PTPN14: variants seen among roughly 807,000 people sequenced by gnomAD.
PTPN14 encodes protein tyrosine phosphatase non-receptor type 14, also known as tyrosine-protein phosphatase non-receptor type 14.
A neutral mutation model predicts 126.8 loss-of-function variants in PTPN14; 53 were observed. The observed-to-expected ratio is 0.42, with a 90% CI of 0.34 to 0.53. The LOEUF is 0.53. Ranked by LOEUF, PTPN14 falls within the 20% of genes least tolerant of loss-of-function variation. The pLI is 0.08. For synonymous variants in PTPN14, 630 were observed against 599.3 expected (o/e 1.05, Z -0.75); for missense variants, 1,257 against 1,552.9 (o/e 0.81, Z 3.20).
At chr1:214,462,978 A>G (rs974308911) in intron 2 of PTPN14, among the ~76,000 whole-genome samples, 1 of 152,214 alleles carries the variant, frequency 6.6e-6, no homozygotes, top group Admixed American at 6.5e-5. Flanking sequence ...CTGTGAAGTA[A>G]GCATTATTAT....
At chr1:214,522,906 A>G (rs1430599852) in intron 1 of PTPN14, among the ~76,000 whole-genome samples, 1 of 152,222 alleles carries the variant, frequency 6.6e-6, no homozygotes, top group Non-Finnish European at 1.5e-5. Context: ...CTGGCAAGAT[A>G]AGACTGAGGA....
chr1:214,357,818 G>T lies in PTPN14; in HGVS notation c.*104C>A. ...ACTGTCTTCAGAGAGCCTGTTTGCT[G>T]CCAGCCACCTGCACCCCTGTGGGGG... On this transcript the variant is annotated 3_prime_UTR_variant, in exon 19 of 19. Coordinates refer to ENST00000366956, the MANE Select transcript of PTPN14 (RefSeq NM_005401.5). 3 of 978,644 alleles carry T rather than the reference G, an allele frequency of 3.1e-6. No homozygotes were observed. The highest frequency in any genetic ancestry group is 4.6e-6 in the Non-Finnish European group (3 of 655,200). The allele number at this position is 978,644 out of a possible 1,614,324, so 60.6% of individuals were successfully genotyped here.
intron 3 of PTPN14, among the ~76,000 whole-genome samples, chr1:214,441,933 C>T (rs1572002468): frequency 6.6e-6 from 1 of 152,158 alleles, no homozygotes; most frequent in South Asian, 2.1e-4. Context: ...CAATGTAACA[C>T]TAATAAAGAA....
chr1:214,387,964 T>C (rs1658661252), intron 11 of PTPN14, among the ~76,000 whole-genome samples: 1 of 152,134 alleles, frequency 6.6e-6, no homozygotes. Context: ...CCTTCCCCAT[T>C]GCAGAACCAA....
At position 214,364,023 on chromosome 1, in the gene PTPN14, A is replaced by G. The variant is rs1658013917; in HGVS notation, c.3435+489T>C. Among the ~76,000 whole-genome samples, 1 of 152,194 alleles carries G rather than the reference A, an allele frequency of 6.6e-6. No homozygotes were observed. Among genetic ancestry groups the G allele is most frequent in the Non-Finnish European group, 1.5e-5 (1 of 68,030 alleles). On this transcript the variant is annotated intron_variant, in intron 18 of 18. Transcript: ENST00000366956. This position sits in a 1 kb window ranked among gnomAD's most constrained non-coding sequence, Gnocchi z 4.1. ...TCTACTCTGCTCCGCTACACCACGC[A>G]ACAACCAGACTAGACAAGCAAACAA... is the stretch of plus-strand genomic sequence containing the variant.
intron 1 of PTPN14, among the ~76,000 whole-genome samples, chr1:214,541,278 C>T (rs1309364043): frequency 6.6e-6 from 1 of 152,078 alleles, no homozygotes; most frequent in Non-Finnish European, 1.5e-5. Context: ...CAGAAAGTAA[C>T]AATAACAGCA....
intron 3 of PTPN14, among the ~76,000 whole-genome samples, chr1:214,419,734 A>G (rs1047520827): frequency 6.6e-6 from 1 of 152,212 alleles, no homozygotes; most frequent in Non-Finnish European, 1.5e-5. Flanking sequence ...GTCCTGGGGT[A>G]CAGGAGAGCA....
chr1:214,462,639 A>G (rs1414192627), intron 2 of PTPN14, among the ~76,000 whole-genome samples: 1 of 152,224 alleles, frequency 6.6e-6, no homozygotes, highest in Non-Finnish European at 1.5e-5. Context: ...TGCACACTGC[A>G]CAACACTAAG....
chr1:214,537,161 C>T (rs1191884158), intron 1 of PTPN14, among the ~76,000 whole-genome samples: 1 of 152,136 alleles, frequency 6.6e-6, no homozygotes, highest in African/African-American at 2.4e-5. Context: ...TTATCATTTC[C>T]TGATAACTTG....
intron 1 of PTPN14, among the ~76,000 whole-genome samples, chr1:214,524,426 AGG>A (rs1348587943): frequency 1.3e-5 from 2 of 151,942 alleles, no homozygotes; most frequent in African/African-American, 2.4e-5. Context: ...CTGAGGCAGT[AGG>A]ACTGCTTGAG....
intron 3 of PTPN14, among the ~76,000 whole-genome samples, chr1:214,424,260 A>T (rs914626572): frequency 2.1e-4 from 32 of 151,548 alleles, no homozygotes; most frequent in African/African-American, 7.8e-4. Flanking sequence ...GCACCACTGC[A>T]CTCCAGCCTG....
intron 5 of PTPN14, among the ~76,000 whole-genome samples, chr1:214,409,281 A>G (rs528673197): frequency 2.6e-5 from 4 of 152,180 alleles, no homozygotes; most frequent in South Asian, 2.1e-4. Context: ...CTCTACATCT[A>G]TAAGTTCAAC....
At chr1:214,465,963 T>TTTTTTTTTTTTTTTG (rs1660627716) in intron 1 of PTPN14, among the ~76,000 whole-genome samples, 1 of 118,042 alleles carries the variant, frequency 8.5e-6, no homozygotes, top group Non-Finnish European at 1.7e-5. Context: ...TTTTTTTTTT[T>TTTTTTTTTTTTTTTG]TTTTTTTTGT....
intron 7 of PTPN14, among the ~76,000 whole-genome samples, chr1:214,400,345 G>C (rs981646600): frequency 3.2e-4 from 49 of 152,126 alleles, no homozygotes; most frequent in Non-Finnish European, 2.6e-4. Flanking sequence ...ACACATATGT[G>C]GGGGGAAAGA....
At position 214,383,698 on chromosome 1, in the gene PTPN14, T is replaced by C. The variant is rs1658529298; in HGVS notation, c.2157A>G (p.Glu719=). The C allele has an allele frequency of 6.2e-7, 1 of 1,613,402 alleles. No individual in the cohort carries two copies. Among genetic ancestry groups the C allele is most frequent in the Non-Finnish European group, 8.5e-7 (1 of 1,180,010 alleles). ...ESEEEEEEAP[E]SVPQIPMLRE... Reference sequence around the variant, plus strand: ...GGAGCATGGGGATCTGGGGCACCGATTCTGGAGCCTCCTCCTCCTCCTCCT... The same window carrying C: ...GGAGCATGGGGATCTGGGGCACCGACTCTGGAGCCTCCTCCTCCTCCTCCT... Residue 719 remains glutamate, a synonymous_variant, in exon 13 of 19, where the codon GAA becomes GAG. Coordinates refer to ENST00000366956, the MANE Select transcript of PTPN14 (RefSeq NM_005401.5). The surrounding 1 kb of genome is among the most constrained non-coding windows in gnomAD (Gnocchi z 4.4).
intron 3 of PTPN14, among the ~76,000 whole-genome samples, chr1:214,428,616 T>C (rs1659730102): frequency 6.6e-6 from 1 of 152,208 alleles, no homozygotes; most frequent in Admixed American, 6.5e-5. Flanking sequence ...CCACACATAT[T>C]TCCCTCTGAT....
At chr1:214,369,713 A>G (rs973636192) in intron 16 of PTPN14, 22 bp from the exon 17 acceptor site, 4 of 1,597,724 alleles carry the variant, frequency 2.5e-6, no homozygotes, top group Non-Finnish European at 3.4e-6. Flanking sequence ...ATAAAAGCAA[A>G]ATTGGAAATA....
intron 2 of PTPN14, among the ~76,000 whole-genome samples, chr1:214,456,001 GTTT>G (rs1417994246): frequency 6.6e-6 from 1 of 151,944 alleles, no homozygotes; most frequent in African/African-American, 2.4e-5. Flanking sequence ...GTTTGGGGTG[GTTT>G]TTATTTGTTT....
chr1:214,501,580 A>G (rs1654700685), intron 1 of PTPN14, among the ~76,000 whole-genome samples: 2 of 152,102 alleles, frequency 1.3e-5, no homozygotes, highest in South Asian at 4.1e-4. Flanking sequence ...TTAGGCTATA[A>G]ATTCCTTCAG....
Sources: gnomAD v4.1 joint callset for allele counts (sites outside exome capture counted in the v4.1 genomes callset) on GRCh38, gnomAD v4.1.1 for gene constraint, Gnocchi (gnomAD v3.1) non-coding constraint, MANE v1.5 for transcripts, NCBI Gene and HGNC (gene_info 2026-07-23, HGNC 2026-07-21) for gene names.